The following FAM178B variants were observed in gnomAD, a reference collection of about 807,000 sequenced individuals.
The protein encoded by FAM178B is family with sequence similarity 178 member B, also known as protein FAM178B.
FAM178B carries 82 observed loss-of-function variants against 91.7 expected under a neutral mutation model. The ratio of observed to expected loss-of-function variants is 0.89; its 90% CI spans 0.75 to 1.07. FAM178B has a LOEUF of 1.07. Among genes scored for constraint, FAM178B ranks in the 50% least tolerant of loss-of-function variants. The pLI is 0.00. For synonymous variants in FAM178B, 368 were observed against 359.4 expected, an observed-to-expected ratio of 1.02 and a Z score of -0.27; for missense variants, 769 against 846.7, an observed-to-expected ratio of 0.91 and a Z score of 1.14.
intron 1 of FAM178B, among the ~76,000 whole-genome samples, chr2:96,984,643 T>C (rs1173660406): frequency 1.3e-5 from 2 of 152,246 alleles, no homozygotes; most frequent in Non-Finnish European, 1.5e-5. Flanking sequence ...CCAGTGATTA[T>C]ATGGCATTCC....
intron 12 of FAM178B, among the ~76,000 whole-genome samples, chr2:96,919,235 C>A (rs2081292808): frequency 6.6e-6 from 1 of 152,192 alleles, no homozygotes. Context: ...AAAACAACCA[C>A]AAACACCATG....
chr2:96,894,069 G>A lies in FAM178B; in HGVS notation c.1651-18C>T. 6.3e-7 allele frequency: 1 copy of A among 1,594,462 alleles called. No homozygotes were observed. The highest frequency in any genetic ancestry group is 8.5e-7 in the Non-Finnish European group (1 of 1,171,898). On this transcript the variant is annotated intron_variant, in intron 13 of 16. Coordinates refer to ENST00000490605, the MANE Select transcript of FAM178B (RefSeq NM_001122646.3). ...GAGGACAGCTGGGGAGGAGAAGGGAGGCTGTCACTCACAGAGGGTGGTGGC... is the reference window on the plus strand; with the variant it reads ...GAGGACAGCTGGGGAGGAGAAGGGAAGCTGTCACTCACAGAGGGTGGTGGC...
At chr2:96,969,222 G>A (rs2082185520) in intron 4 of FAM178B, among the ~76,000 whole-genome samples, 1 of 152,234 alleles carries the variant, frequency 6.6e-6, no homozygotes, top group African/African-American at 2.4e-5. Flanking sequence ...CTAAATGTCT[G>A]TGTCTTCCCA....
In FAM178B at chr2:96,972,352, T is replaced by C. The variant is rs1431966471; in HGVS notation, c.143-30A>G. 6.8e-6 allele frequency: 10 copies of C among 1,466,514 alleles called. No individual in the cohort carries two copies. In the South Asian group the frequency reaches 1.4e-4, roughly 21 times the overall value. The allele number at this position is 1,466,514 out of a possible 1,614,324, so 90.8% of individuals were successfully genotyped here. A position where few individuals can be genotyped will look rare whatever the true frequency, so the allele number is the denominator to read the frequency against. On this transcript the variant is annotated intron_variant, in intron 2 of 16. Transcript: ENST00000490605. ...AGACAGGACAGAATACTGTGGTCCCTCTGCCCACCTGCCACTGTCCCAGAC... is the reference window on the plus strand; with the variant it reads ...AGACAGGACAGAATACTGTGGTCCCCCTGCCCACCTGCCACTGTCCCAGAC...
At chr2:96,929,750 C>T (rs1202427530) in intron 8 of FAM178B, among the ~76,000 whole-genome samples, 1 of 152,276 alleles carries the variant, frequency 6.6e-6, no homozygotes, top group African/African-American at 2.4e-5. Flanking sequence ...CAGCCCACTG[C>T]AGCCTCTGCA....
At chr2:96,930,466 T>C (rs1238615150) in intron 8 of FAM178B, among the ~76,000 whole-genome samples, 1 of 152,186 alleles carries the variant, frequency 6.6e-6, no homozygotes, top group Middle Eastern at 3.2e-3. Flanking sequence ...AGCCTATGTT[T>C]CCACTCTGCT....
chr2:96,886,173 TTG>T (rs2080515125), intron 14 of FAM178B, among the ~76,000 whole-genome samples: 1 of 152,084 alleles, frequency 6.6e-6, no homozygotes, highest in African/African-American at 2.4e-5. Flanking sequence ...TTCCCTTCCT[TTG>T]TAAGAGTGTC....
At chr2:96,890,967 C>T (rs770992845) in intron 14 of FAM178B, among the ~76,000 whole-genome samples, 20 of 152,202 alleles carry the variant, frequency 1.3e-4, no homozygotes, top group Non-Finnish European at 2.2e-4. Context: ...TAACCAAAAG[C>T]GGCTCAGCTT....
intron 1 of FAM178B, among the ~76,000 whole-genome samples, chr2:96,983,504 C>T: frequency 6.6e-6 from 1 of 152,166 alleles, no homozygotes; most frequent in Middle Eastern, 3.2e-3. Flanking sequence ...CAGCTCACTG[C>T]AGCCTCAACC....
At chr2:96,961,323 G>GTT (rs2082078541) in intron 5 of FAM178B, among the ~76,000 whole-genome samples, 1 of 150,758 alleles carries the variant, frequency 6.6e-6, no homozygotes, top group African/African-American at 2.4e-5. Context: ...GTGTGTGTGT[G>GTT]TGTGTGTGTG....
chr2:96,924,724 C>G (rs1211860497), intron 9 of FAM178B, among the ~76,000 whole-genome samples: 1 of 152,228 alleles, frequency 6.6e-6, no homozygotes, highest in African/African-American at 2.4e-5. Context: ...CCTCTGCTGT[C>G]TCACCCACTT....
chr2:96,955,776 G>A (rs1268300512), intron 6 of FAM178B, among the ~76,000 whole-genome samples: 1 of 150,750 alleles, frequency 6.6e-6, no homozygotes, highest in East Asian at 1.9e-4. Context: ...TCTTTATTTT[G>A]GGGGGCAGAT....
chr2:96,979,859 A>G (rs2082339071), intron 1 of FAM178B, among the ~76,000 whole-genome samples: 1 of 152,212 alleles, frequency 6.6e-6, no homozygotes. Context: ...ACTGAGTCAC[A>G]TTTCTGTTGA....
chr2:96,911,036 G>A (rs1158776769), intron 12 of FAM178B, among the ~76,000 whole-genome samples: 1 of 152,066 alleles, frequency 6.6e-6, no homozygotes, highest in Non-Finnish European at 1.5e-5. Context: ...CCAAAGTGCT[G>A]GGATTACAGG....
At chr2:96,894,369 A>C (rs1574203798) in intron 13 of FAM178B, among the ~76,000 whole-genome samples, 10 of 30,920 alleles carry the variant, frequency 3.2e-4, no homozygotes, top group African/African-American at 7.1e-4. Flanking sequence ...TCACCCACCC[A>C]CTCATCCTCC....
At chr2:96,962,212 G>A (rs1235530542) in intron 5 of FAM178B, among the ~76,000 whole-genome samples, 1 of 152,112 alleles carries the variant, frequency 6.6e-6, no homozygotes, top group Non-Finnish European at 1.5e-5. Flanking sequence ...TGAGGCAGGT[G>A]AATTGCTTGA....
In FAM178B at chr2:96,970,702, C is replaced by T. The variant is rs1036996384; in HGVS notation, c.626+14G>A. On this transcript the variant is annotated intron_variant, in intron 4 of 16. Coordinates refer to ENST00000490605, the MANE Select transcript of FAM178B (RefSeq NM_001122646.3). ...GAAATAAGCACCCCATGACAGGCCA[C>T]GCCCTGTGCTCACCTCTTCTCCTGC... The T allele has an allele frequency of 1.3e-5, 20 of 1,544,420 alleles. No individual in the cohort carries two copies. The highest frequency in any genetic ancestry group is 2.0e-5 in the Admixed American group (1 of 50,938).
intron 14 of FAM178B, among the ~76,000 whole-genome samples, chr2:96,893,371 T>C (rs1008722854): frequency 2.6e-5 from 4 of 151,960 alleles, no homozygotes; most frequent in African/African-American, 9.7e-5. Flanking sequence ...GGCACCTTGT[T>C]GCTCCTGACT....
At chr2:96,921,336 A>G in intron 11 of FAM178B, 74 bp from the exon 12 acceptor site, 2 of 1,514,188 alleles carry the variant, frequency 1.3e-6, no homozygotes, top group Non-Finnish European at 9.0e-7. Context: ...CAGCCCGCAC[A>G]GGGGAGTAAG....
Sources: gnomAD v4.1 joint callset for allele counts (sites outside exome capture counted in the v4.1 genomes callset) on GRCh38, gnomAD v4.1.1 for gene constraint, MANE v1.5 for transcripts, NCBI Gene and HGNC (gene_info 2026-07-23, HGNC 2026-07-21) for gene names.